Variants in CFAP61 observed in about 807,000 individuals in gnomAD.
CFAP61 encodes the protein cilia- and flagella-associated protein 61.
In CFAP61, 107 loss-of-function variants were observed where a neutral mutation model predicts 135.6. The observed-to-expected ratio is 0.79, with a 90% CI of 0.67 to 0.93. The LOEUF is 0.93. Among genes scored for constraint, CFAP61 ranks in the 40% least tolerant of loss-of-function variants. The pLI is 0.00. For synonymous variants in CFAP61, 575 were observed against 578.5 expected, an observed-to-expected ratio of 0.99 and a Z score of 0.09; for missense variants, 1,507 against 1,556.2, an observed-to-expected ratio of 0.97 and a Z score of 0.53.
chr20:20,199,872 C>T lies in CFAP61; in HGVS notation c.1902C>T (p.Asn634=), dbSNP rs574432469. The change falls in exon 17 of 27, where the codon AAC becomes AAT. Residue 634 remains asparagine, a synonymous_variant. Coordinates refer to ENST00000245957, the MANE Select transcript of CFAP61 (RefSeq NM_015585.4). ...IVYPLEKLGI[N]APSKAVSKDP... is the part of the protein sequence containing the mutation. ...ATCCTCTGGAAAAGCTTGGCATAAA[C>T]GCTCCATCAAAGGCGGTCTCCAAGG... is the stretch of plus-strand genomic sequence containing the variant. 5.6e-5 allele frequency: 91 copies of T among 1,614,190 alleles called. No homozygotes were observed. In the Middle Eastern group the frequency reaches 9.9e-4, roughly 18 times the overall value.
At chr20:20,287,048 G>A (rs1002889531) in intron 22 of CFAP61, among the ~76,000 whole-genome samples, 2 of 152,108 alleles carry the variant, frequency 1.3e-5, no homozygotes, top group Non-Finnish European at 2.9e-5. Flanking sequence ...ATTTATCTGG[G>A]TAGGAAATCT....
In CFAP61 at chr20:20,052,553, G is replaced by A. The variant is rs2146512332; in HGVS notation, c.-75G>A. On this transcript the variant is annotated 5_prime_UTR_variant, in exon 1 of 27. Coordinates refer to ENST00000245957, the MANE Select transcript of CFAP61 (RefSeq NM_015585.4). ...GACCAGGCTGCGCGTCCTCCTTGCGGCAGCGCGTGGAGTGCGGCGTCCTGG... is the reference window on the plus strand; with the variant it reads ...GACCAGGCTGCGCGTCCTCCTTGCGACAGCGCGTGGAGTGCGGCGTCCTGG... 2 of 1,614,146 alleles carry A rather than the reference G, an allele frequency of 1.2e-6. No individual in the cohort carries two copies. The highest frequency in any genetic ancestry group is 3.3e-5 in the Admixed American group (2 of 60,032).
chr20:20,296,354 T>TCC (rs1222915521), intron 24 of CFAP61, among the ~76,000 whole-genome samples: 1 of 116,582 alleles, frequency 8.6e-6, no homozygotes, highest in African/African-American at 3.3e-5. Flanking sequence ...CTTCCTTCCT[T>TCC]CTTTCCTTTC....
chr20:20,088,267 G>C (rs2046944229), intron 6 of CFAP61, among the ~76,000 whole-genome samples: 1 of 152,116 alleles, frequency 6.6e-6, no homozygotes, highest in South Asian at 2.1e-4. Context: ...TCTCCTTCCA[G>C]AGAGTTTTGA....
chr20:20,118,799 A>T (rs1396908258), intron 8 of CFAP61, among the ~76,000 whole-genome samples: 1 of 151,588 alleles, frequency 6.6e-6, no homozygotes, highest in Non-Finnish European at 1.5e-5. Flanking sequence ...TGATTTGTGT[A>T]CATTGAACCA....
intron 25 of CFAP61, among the ~76,000 whole-genome samples, chr20:20,319,377 T>A (rs2057315101): frequency 6.6e-6 from 1 of 152,212 alleles, no homozygotes; most frequent in African/African-American, 2.4e-5. Flanking sequence ...TGGTTTGGAT[T>A]TGTGTCCCCA....
At position 20,068,485 on chromosome 20, in the gene CFAP61, C is replaced by T. The variant is rs111846542; in HGVS notation, c.144-2369C>T. ...AGGAACCTGGGACAGTCTACTCCCT[C>T]CTTTCCTTGATAGCCAGTGCTCGTA... On this transcript the variant is annotated intron_variant, in intron 2 of 26. Transcript: ENST00000245957. 2.1e-3 allele frequency among the ~76,000 whole-genome samples: 326 copies of T among 152,308 alleles called. 1 individual carries two copies. The highest frequency in any genetic ancestry group is 7.4e-3 in the African/African-American group (307 of 41,574).
intron 14 of CFAP61, 36 bp downstream of exon 14, chr20:20,188,092 G>T: frequency 6.2e-7 from 1 of 1,611,592 alleles, no homozygotes; most frequent in South Asian, 1.1e-5. Flanking sequence ...CAGGATATGG[G>T]ACCATTATGA....
At chr20:20,153,201 C>T (rs1364295969) in intron 9 of CFAP61, among the ~76,000 whole-genome samples, 1 of 152,066 alleles carries the variant, frequency 6.6e-6, no homozygotes, top group Non-Finnish European at 1.5e-5. Context: ...TTTATCAAAA[C>T]CTCTGGGACA....
Position 20,357,143 on chromosome 20 carries a change from A to AGTGGTCACACTGAGGGGAG in CFAP61, c.3514-3040_3514-3022dup, listed in dbSNP as rs1602186414. ...TGAGGAGGTAGTCACACTGAGGGGA[A>AGTGGTCACACTGAGGGGAG]GTGGTCACACTGAGGGGAGGTGGTC... On this transcript the variant is annotated intron_variant, in intron 26 of 26. Transcript: ENST00000245957. 3.8e-4 allele frequency among the ~76,000 whole-genome samples: 30 copies of AGTGGTCACACTGAGGGGAG among 79,298 alleles called. 1 individual carries two copies. Among genetic ancestry groups the AGTGGTCACACTGAGGGGAG allele is most frequent in the East Asian group, 1.3e-3 (3 of 2,264 alleles). 52.0% of individuals were successfully genotyped at this position (79,298 alleles called of 152,430 possible). A position where few individuals can be genotyped will look rare whatever the true frequency, so the allele number is the denominator to read the frequency against.
rs2051534452 is a variant in CFAP61, at chr20:20,142,958, A to T, written c.951+10A>T. 6.5e-7 allele frequency: 1 copy of T among 1,538,784 alleles called. No individual in the cohort carries two copies. The highest frequency in any genetic ancestry group is 8.9e-7 in the Non-Finnish European group (1 of 1,124,944). On this transcript the variant is annotated intron_variant, in intron 9 of 26. Transcript: ENST00000245957. ...CATGGAAAACATCCAGGTGAGAGAGACTATCCCTCCATGCCTAGGGTGGGG... is the reference window on the plus strand; with the variant it reads ...CATGGAAAACATCCAGGTGAGAGAGTCTATCCCTCCATGCCTAGGGTGGGG...
At chr20:20,191,461 G>C (rs2055914801) in intron 15 of CFAP61, 42 bp downstream of exon 15, 7 of 1,466,448 alleles carry the variant, frequency 4.8e-6, no homozygotes, top group African/African-American at 1.4e-5. Context: ...ATTGTGCCTT[G>C]CTATATCATG....
intron 1 of CFAP61, chr20:20,052,878 C>G (rs1339831664): frequency 1.6e-5 from 11 of 684,006 alleles, no homozygotes; most frequent in Non-Finnish European, 2.7e-5. Context: ...GTCTCTGGGT[C>G]CACGCCCCCT....
At chr20:20,232,690 T>A (rs1163866454) in intron 18 of CFAP61, 1 of 152,230 alleles carries the variant, frequency 6.6e-6, no homozygotes, top group Non-Finnish European at 1.5e-5. Context: ...TATTTACTCC[T>A]AATTATGGGA....
intron 8 of CFAP61, among the ~76,000 whole-genome samples, chr20:20,114,952 TA>T (rs2049037974): frequency 6.6e-6 from 1 of 152,222 alleles, no homozygotes; most frequent in African/African-American, 2.4e-5. Flanking sequence ...AATTGAATTT[TA>T]TAAAATGTTT....
At chr20:20,327,322 C>T (rs1290224706) in intron 25 of CFAP61, among the ~76,000 whole-genome samples, 2 of 152,090 alleles carry the variant, frequency 1.3e-5, no homozygotes, top group East Asian at 3.9e-4. Flanking sequence ...CACCCTTGTC[C>T]TCTTCTTGCC....
intron 25 of CFAP61, among the ~76,000 whole-genome samples, chr20:20,314,391 C>CAAAA (rs528868861): frequency 1.7e-5 from 1 of 58,930 alleles, no homozygotes; most frequent in Non-Finnish European, 3.8e-5. Flanking sequence ...GACCCCATCT[C>CAAAA]AAAAAAAAAA....
chr20:20,116,282 GT>G (rs1358300528), intron 8 of CFAP61, among the ~76,000 whole-genome samples: 1 of 152,002 alleles, frequency 6.6e-6, no homozygotes. Context: ...TTTTTAATGA[GT>G]TTTTTTGCTA....
At chr20:20,146,913 G>A (rs1042326142) in intron 9 of CFAP61, among the ~76,000 whole-genome samples, 1 of 151,954 alleles carries the variant, frequency 6.6e-6, no homozygotes, top group Non-Finnish European at 1.5e-5. Context: ...CACCCCTACC[G>A]GCCAAGTCCC....
Sources: allele counts gnomAD v4.1 joint callset (sites outside exome capture counted in the v4.1 genomes callset), GRCh38; gene constraint gnomAD v4.1.1; transcripts MANE v1.5; gene names NCBI Gene and HGNC (gene_info 2026-07-23, HGNC 2026-07-21).